CDH18: variants seen among roughly 807,000 people sequenced by gnomAD.
CDH18 encodes the protein cadherin 18.
A neutral mutation model predicts 67.9 loss-of-function variants in CDH18; 31 were observed. The observed-to-expected ratio is 0.46, with a 90% CI of 0.34 to 0.62. The LOEUF is 0.62. Ranked by LOEUF, CDH18 falls within the 20% of genes least tolerant of loss-of-function variation. The pLI, the probability that CDH18 is intolerant of heterozygous loss-of-function variation, is 0.01. For synonymous variants in CDH18, 362 were observed against 347.2 expected (o/e 1.04, Z -0.48); for missense variants, 890 against 975.5 (o/e 0.91, Z 1.17).
chr5:20,561,223 T>C (rs1470784123), intron 1 of CDH18, among the ~76,000 whole-genome samples: 1 of 152,118 alleles, frequency 6.6e-6, no homozygotes, highest in Non-Finnish European at 1.5e-5. Context: ...TAAGCAAATC[T>C]TACCTTGCAA....
chr5:20,202,842 T>C (rs72743055), intron 2 of CDH18, among the ~76,000 whole-genome samples: 45 of 152,060 alleles, frequency 3.0e-4, no homozygotes, highest in Non-Finnish European at 5.4e-4. Context: ...AATAATAAAA[T>C]TGAGAGAGAC....
chr5:19,698,319 G>C (rs114754866), intron 5 of CDH18, among the ~76,000 whole-genome samples: 3 of 151,906 alleles, frequency 2.0e-5, no homozygotes, highest in Admixed American at 2.0e-4. Context: ...GAGATCAAAG[G>C]CTTGCTATTG....
chr5:20,391,819 T>A (rs1326320029), intron 1 of CDH18, among the ~76,000 whole-genome samples: 1 of 152,044 alleles, frequency 6.6e-6, no homozygotes. Flanking sequence ...AATTAGCCAT[T>A]TTTTATACCC....
chr5:20,574,632 T>C lies in CDH18; in HGVS notation c.-580+830A>G, dbSNP rs111615699. On this transcript the variant is annotated intron_variant, in intron 1 of 14. Transcript: ENST00000507958. The stretch of plus-strand genomic sequence containing the variant: ...GTCAATCAAATACATCAGGACTGCA[T>C]TGCCCCAGCTCATTATTTCTAGTCC... Among the ~76,000 whole-genome samples the C allele has an allele frequency of 7.2e-3, 1,099 of 152,216 alleles. 6 individuals are homozygous for C. The highest frequency in any genetic ancestry group is 0.011 in the Non-Finnish European group (725 of 68,002).
At chr5:20,321,450 G>T (rs1226730108) in intron 1 of CDH18, among the ~76,000 whole-genome samples, 6 of 151,896 alleles carry the variant, frequency 4.0e-5, no homozygotes, top group Non-Finnish European at 7.4e-5. Flanking sequence ...AGCTTGGGAC[G>T]AATGGAAGGA....
At chr5:19,540,747 G>A (rs1750133172) in intron 9 of CDH18, among the ~76,000 whole-genome samples, 1 of 152,096 alleles carries the variant, frequency 6.6e-6, no homozygotes. Flanking sequence ...GGGATGCAGG[G>A]CACCAAGTAC....
intron 5 of CDH18, among the ~76,000 whole-genome samples, chr5:19,685,425 G>A (rs998835670): frequency 2.6e-5 from 4 of 152,136 alleles, no homozygotes; most frequent in African/African-American, 4.8e-5. Context: ...TATTCCTGTT[G>A]TTCTCATTTC....
At chr5:20,320,297 A>G (rs2071470427) in intron 1 of CDH18, among the ~76,000 whole-genome samples, 1 of 152,088 alleles carries the variant, frequency 6.6e-6, no homozygotes, top group Non-Finnish European at 1.5e-5. Flanking sequence ...ACTTAGATAA[A>G]CCTTGGTTTT....
chr5:19,514,743 T>C (rs970664589), intron 10 of CDH18, among the ~76,000 whole-genome samples: 1 of 152,220 alleles, frequency 6.6e-6, no homozygotes, highest in Admixed American at 6.5e-5. Context: ...ATTCTGGATA[T>C]TAGCCCTTTG....
chr5:19,683,375 T>C (rs1317056508), intron 5 of CDH18, among the ~76,000 whole-genome samples: 1 of 152,118 alleles, frequency 6.6e-6, no homozygotes, highest in East Asian at 1.9e-4. Flanking sequence ...TATGGCCTCT[T>C]CTGCAGCTTC....
chr5:20,338,009 T>C (rs1739930415), intron 1 of CDH18, among the ~76,000 whole-genome samples: 1 of 152,188 alleles, frequency 6.6e-6, no homozygotes, highest in African/African-American at 2.4e-5. Flanking sequence ...CTTCCCCTTA[T>C]AATACTATCA....
At chr5:19,500,614 T>C (rs1743074918) in intron 11 of CDH18, among the ~76,000 whole-genome samples, 1 of 152,228 alleles carries the variant, frequency 6.6e-6, no homozygotes, top group South Asian at 2.1e-4. Context: ...AAAAATATTC[T>C]AACAAAAATT....
At chr5:19,997,571 A>C in intron 2 of CDH18, among the ~76,000 whole-genome samples, 1 of 152,258 alleles carries the variant, frequency 6.6e-6, no homozygotes, top group Middle Eastern at 3.4e-3. Context: ...GCAGAGAGTA[A>C]CATAATGTGT....
intron 5 of CDH18, among the ~76,000 whole-genome samples, chr5:19,658,213 T>A (rs576023449): frequency 6.6e-6 from 1 of 152,256 alleles, no homozygotes; most frequent in South Asian, 2.1e-4. Flanking sequence ...CCTTTTTATA[T>A]GTAACATAAG....
chr5:20,123,548 G>A (rs1748551913), intron 2 of CDH18, among the ~76,000 whole-genome samples: 1 of 152,134 alleles, frequency 6.6e-6, no homozygotes, highest in South Asian at 2.1e-4. Flanking sequence ...TTCCACGCAA[G>A]TTAGTGTGCT....
At chr5:20,535,249 T>C (rs1171762272) in intron 1 of CDH18, among the ~76,000 whole-genome samples, 2 of 152,130 alleles carry the variant, frequency 1.3e-5, no homozygotes, top group South Asian at 4.1e-4. Flanking sequence ...GACTGTCAGC[T>C]TAGGGTTGTT....
chr5:19,548,528 T>A (rs1379892730), intron 8 of CDH18, among the ~76,000 whole-genome samples: 2 of 152,034 alleles, frequency 1.3e-5, no homozygotes, highest in Admixed American at 6.6e-5. Flanking sequence ...TAAGAAAATC[T>A]AACATTTATG....
At chr5:20,284,739 T>A (rs1012158065) in intron 1 of CDH18, among the ~76,000 whole-genome samples, 1 of 151,906 alleles carries the variant, frequency 6.6e-6, no homozygotes, top group African/African-American at 2.4e-5. Context: ...AACTAATATT[T>A]TAAACCATCA....
rs181627248 is a variant in CDH18 at position 19,613,397 on chromosome 5, G to A, written c.644-796C>T. Among the ~76,000 whole-genome samples the A allele has an allele frequency of 5.3e-5, 8 of 152,238 alleles. No homozygotes were observed. The East Asian group carries it at 1.4e-3, about 26-fold the overall frequency. On this transcript the variant is annotated intron_variant, in intron 5 of 12. Transcript: ENST00000382275. ...ACACTTAAACAGAGATTATAGGCAG[G>A]AGGCATATTAACACGTATCAAAGAC...
Sources: allele counts gnomAD v4.1 joint callset (sites outside exome capture counted in the v4.1 genomes callset), GRCh38; gene constraint gnomAD v4.1.1; transcripts MANE v1.5; gene names NCBI Gene and HGNC (gene_info 2026-07-23, HGNC 2026-07-21).